NPC1: variants seen among roughly 807,000 people sequenced by gnomAD.
NPC1 encodes NPC intracellular cholesterol transporter 1, also known as Niemann-Pick C1 protein.
In NPC1, 85 loss-of-function variants were observed where a neutral mutation model predicts 140.4. The ratio of observed to expected loss-of-function variants is 0.61; its 90% confidence interval spans 0.51 to 0.72. The LOEUF (loss-of-function observed/expected upper bound fraction) is 0.72, where lower values mean the gene tolerates loss of function less well. NPC1 is among the 30% of genes least tolerant of loss of function. The pLI, the probability that NPC1 is intolerant of heterozygous loss-of-function variation, is 0.00. For missense variants in NPC1, 1,504 were observed against 1,623.8 expected (o/e 0.93, Z 1.27); for synonymous variants, 656 against 624.8 (o/e 1.05, Z -0.74).
At chr18:23,523,543 C>CAA (rs374224848) in intron 1 of NPC1, among the ~76,000 whole-genome samples, 27,555 of 75,410 alleles carry the variant, frequency 0.37, 7,325 homozygotes, top group East Asian at 0.58. Flanking sequence ...CTTGTCTTCA[C>CAA]AAAAAAAAAA....
At chr18:23,542,887 GTC>G (rs1485289396) in intron 14 of NPC1, among the ~76,000 whole-genome samples, 1 of 152,140 alleles carries the variant, frequency 6.6e-6, no homozygotes, top group Non-Finnish European at 1.5e-5. Context: ...CGAACTCTAG[GTC>G]TCTTTCACCC....
rs555934647 is a variant in NPC1, at chr18:23,553,157, G to A, written c.1554-1430C>T. 2.2e-3 allele frequency among the ~76,000 whole-genome samples: 339 copies of A among 152,330 alleles called. 1 individual carries two copies. The highest frequency in any genetic ancestry group is 3.4e-3 in the Non-Finnish European group (233 of 68,032). On this transcript the variant is annotated intron_variant, in intron 9 of 24. Coordinates refer to ENST00000269228, the MANE Select transcript of NPC1 (RefSeq NM_000271.5). ...CCACTCCCTGTACCGCTTCCACACTGGTGGGAACCACGTCCGCTTTGAGGA... is the reference window on the plus strand; with the variant it reads ...CCACTCCCTGTACCGCTTCCACACTAGTGGGAACCACGTCCGCTTTGAGGA...
intron 14 of NPC1, 151 bp downstream of exon 14, chr18:23,543,304 G>C (rs2058736371): frequency 1.7e-6 from 1 of 592,040 alleles, no homozygotes. Flanking sequence ...ACTCCAGCCT[G>C]GGTGGCAGAG....
At chr18:23,527,644 C>A, downstream of NPC1, 11 of 220,590 alleles carry the variant, frequency 5.0e-5, no homozygotes, top group Non-Finnish European at 6.4e-5. Flanking sequence ...CGAATGACAT[C>A]TAGCTGTCAG....
intron 3 of NPC1, among the ~76,000 whole-genome samples, chr18:23,507,256 A>T (rs1450933093): frequency 2.6e-5 from 4 of 152,280 alleles, no homozygotes; most frequent in Non-Finnish European, 5.9e-5. Context: ...TTTGATTTTT[A>T]AATTAAATTA....
Position 23,544,943 on chromosome 18 carries a change from A to ACCCCCCCCCCC in NPC1, c.1947+16_1947+17insGGGGGGGGGGG, listed in dbSNP as rs3837910. On this transcript the variant is annotated intron_variant, in intron 12 of 24. Coordinates refer to ENST00000269228, the MANE Select transcript of NPC1 (RefSeq NM_000271.5). ...GCTGTTAACCTCTAGAACATACACC[A>ACCCCCCCCCCC]CCCCCCCCCGGCTTACCAGAAGCCT... is the stretch of plus-strand genomic sequence containing the variant. 2.1e-4 allele frequency: 219 copies of ACCCCCCCCCCC among 1,042,060 alleles called. 22 individuals carry two copies. Among genetic ancestry groups the ACCCCCCCCCCC allele is most frequent in the African/African-American group, 3.5e-4 (20 of 57,360 alleles). 64.6% of individuals were successfully genotyped at this position (1,042,060 alleles called of 1,614,324 possible). A position where few individuals can be genotyped will look rare whatever the true frequency, so the allele number is the denominator to read the frequency against.
At chr18:23,519,237 G>T (rs1196924850), downstream of NPC1, 6 of 1,454,696 alleles carry the variant, frequency 4.1e-6, no homozygotes, top group Admixed American at 1.0e-4. Context: ...AAAATTGGTG[G>T]CTGGGCACGG....
chr18:23,566,311 G>A (rs1438483112), intron 4 of NPC1, among the ~76,000 whole-genome samples: 3 of 152,292 alleles, frequency 2.0e-5, no homozygotes, highest in Admixed American at 6.5e-5. Context: ...TTGAACCTAG[G>A]AGGTTGAGGC....
chr18:23,521,764 A>G (rs2058148858), downstream of NPC1, among the ~76,000 whole-genome samples: 2 of 150,940 alleles, frequency 1.3e-5, no homozygotes, highest in Non-Finnish European at 2.9e-5. Context: ...CAAGATCAAG[A>G]TGTCTGCAGG....
chr18:23,532,423 G>C (rs1297808301), intron 24 of NPC1, 139 bp from the exon 25 acceptor site: 4 of 893,570 alleles, frequency 4.5e-6, no homozygotes, highest in Non-Finnish European at 7.4e-6. Context: ...ACAACAGAGT[G>C]AGACCACATC....
intron 3 of NPC1, among the ~76,000 whole-genome samples, chr18:23,510,344 A>G (rs1333844816): frequency 2.0e-5 from 3 of 151,920 alleles, no homozygotes; most frequent in African/African-American, 4.8e-5. Flanking sequence ...CAAAAACACA[A>G]CAACATTAAA....
At chr18:23,548,841 A>G (rs888019970) in intron 10 of NPC1, among the ~76,000 whole-genome samples, 1 of 152,178 alleles carries the variant, frequency 6.6e-6, no homozygotes, top group African/African-American at 2.4e-5. Context: ...CCCAGGCTGA[A>G]GTACAGTGGT....
chr18:23,563,729 TTTC>T (rs1831421728), intron 4 of NPC1, among the ~76,000 whole-genome samples: 2 of 152,258 alleles, frequency 1.3e-5, no homozygotes, highest in Admixed American at 6.5e-5. Flanking sequence ...GGTTTTTGGA[TTTC>T]TTTTTAATAA....
chr18:23,544,938 A>G (rs1039381775), intron 12 of NPC1, 22 bp downstream of exon 12: 5 of 1,239,972 alleles, frequency 4.0e-6, no homozygotes, highest in Non-Finnish European at 5.7e-6. Context: ...TCTAGAACAT[A>G]CACCACCCCC....
chr18:23,517,416 G>A (rs1393686837), downstream of NPC1, among the ~76,000 whole-genome samples: 1 of 152,122 alleles, frequency 6.6e-6, no homozygotes, highest in African/African-American at 2.4e-5. Flanking sequence ...CCAAAGTGTT[G>A]GGATTACAGG....
chr18:23,533,814 G>C (rs1170083198), intron 23 of NPC1: 1 of 413,396 alleles, frequency 2.4e-6, no homozygotes, highest in Non-Finnish European at 4.5e-6. Flanking sequence ...CCCTTATGGG[G>C]ATTTCTTAAT....
intron 3 of NPC1, chr18:23,506,932 C>G: frequency 2.2e-6 from 3 of 1,392,624 alleles, no homozygotes; most frequent in Non-Finnish European, 3.0e-6. Context: ...AGCTAGAATT[C>G]GGTTATTTAA....
intron 14 of NPC1, among the ~76,000 whole-genome samples, chr18:23,543,012 T>C (rs766126905): frequency 2.0e-5 from 3 of 151,980 alleles, no homozygotes; most frequent in East Asian, 3.9e-4. Flanking sequence ...ACTTTCCCAG[T>C]GCAGAACAAA....
intron 3 of NPC1, chr18:23,506,995 T>G: frequency 1.2e-6 from 2 of 1,608,944 alleles, no homozygotes; most frequent in Non-Finnish European, 1.7e-6. Context: ...AGAAGTGAAG[T>G]GCATTAAGTT....
Sources: gnomAD v4.1 joint callset for allele counts (sites outside exome capture counted in the v4.1 genomes callset) on GRCh38, gnomAD v4.1.1 for gene constraint, MANE v1.5 for transcripts, NCBI Gene and HGNC (gene_info 2026-07-23, HGNC 2026-07-21) for gene names.